The following PDZRN3 variants were observed in gnomAD, a reference collection of about 807,000 sequenced individuals.
PDZRN3 encodes PDZ domain containing ring finger 3.
PDZRN3 carries 38 observed loss-of-function variants against 85.7 expected under a neutral mutation model. The observed-to-expected ratio is 0.44, with a 90% CI of 0.34 to 0.58. The LOEUF is 0.58. PDZRN3 is among the 20% of genes least tolerant of loss of function. The pLI, the probability that PDZRN3 is intolerant of heterozygous loss-of-function variation, is 0.01. For synonymous variants in PDZRN3, 759 were observed against 638.0 expected (o/e 1.19, Z -2.86); for missense variants, 1,629 against 1,506.4 (o/e 1.08, Z -1.35).
intron 3 of PDZRN3, chr3:73,434,053 C>T (rs1191657922): frequency 3.0e-6 from 2 of 677,812 alleles, no homozygotes; most frequent in Non-Finnish European, 3.8e-6. Flanking sequence ...TTAATCAGCT[C>T]TCATTGACTA....
chr3:73,563,007 ATATATATTTTTTT>A (rs1232569900), intron 3 of PDZRN3, among the ~76,000 whole-genome samples: 464 of 45,806 alleles, frequency 0.01, 4 homozygotes, highest in African/African-American at 0.038. Flanking sequence ...ATATATATAT[ATATATATTTTTTT>A]TTTTTTTTTT....
At chr3:73,558,734 G>A (rs1283229132) in intron 3 of PDZRN3, among the ~76,000 whole-genome samples, 2 of 152,238 alleles carry the variant, frequency 1.3e-5, no homozygotes, top group Non-Finnish European at 2.9e-5. Flanking sequence ...AATGCAAAAT[G>A]GCAGGAGAGG....
At chr3:73,393,393 C>T (rs1193728201) in intron 5 of PDZRN3, among the ~76,000 whole-genome samples, 1 of 152,108 alleles carries the variant, frequency 6.6e-6, no homozygotes, top group African/African-American at 2.4e-5. Context: ...CTGGTCATGA[C>T]GAGGTGAGCA....
At chr3:73,613,211 G>C (rs1353571602) in intron 1 of PDZRN3, among the ~76,000 whole-genome samples, 1 of 152,186 alleles carries the variant, frequency 6.6e-6, no homozygotes, top group African/African-American at 2.4e-5. Context: ...TGAAGGTGGT[G>C]GGAGGAGCCA....
chr3:73,385,215 C>T (rs188497848), intron 9 of PDZRN3, among the ~76,000 whole-genome samples: 3 of 151,536 alleles, frequency 2.0e-5, no homozygotes, highest in Non-Finnish European at 4.4e-5. Context: ...TTAAATGAAT[C>T]AGTACACAGG....
At chr3:73,536,948 C>T (rs192071363) in intron 3 of PDZRN3, among the ~76,000 whole-genome samples, 151 of 152,214 alleles carry the variant, frequency 9.9e-4, no homozygotes, top group Middle Eastern at 6.8e-3. Flanking sequence ...GGAGAGGCCT[C>T]CTATTTTGTA....
chr3:73,441,699 G>T (rs935096903), intron 3 of PDZRN3, among the ~76,000 whole-genome samples: 1 of 152,160 alleles, frequency 6.6e-6, no homozygotes, highest in African/African-American at 2.4e-5. Context: ...CCCAAAGCAA[G>T]TAAGACCTTA....
chr3:73,432,565 G>A (rs1028533868), intron 3 of PDZRN3, among the ~76,000 whole-genome samples: 2 of 152,084 alleles, frequency 1.3e-5, no homozygotes, highest in African/African-American at 4.8e-5. Context: ...TTTAGGTTTT[G>A]TCCAGAGAGG....
At chr3:73,617,057 A>T (rs1370226027) in intron 1 of PDZRN3, among the ~76,000 whole-genome samples, 1 of 152,178 alleles carries the variant, frequency 6.6e-6, no homozygotes, top group Admixed American at 6.5e-5. Context: ...TCACCTATCC[A>T]AACACAGCAA....
intron 3 of PDZRN3, among the ~76,000 whole-genome samples, chr3:73,583,260 G>C (rs1702226855): frequency 6.6e-6 from 1 of 152,140 alleles, no homozygotes; most frequent in South Asian, 2.1e-4. Flanking sequence ...AAATATCAGA[G>C]CTGGGATTCA....
chr3:73,562,315 T>C (rs903129019), intron 3 of PDZRN3, among the ~76,000 whole-genome samples: 12 of 152,128 alleles, frequency 7.9e-5, no homozygotes, highest in Admixed American at 4.6e-4. Context: ...AAGTGTAATA[T>C]AGATAGTGTT....
chr3:73,585,498 T>C (rs865798005), intron 3 of PDZRN3, among the ~76,000 whole-genome samples: 2 of 152,188 alleles, frequency 1.3e-5, no homozygotes, highest in African/African-American at 2.4e-5. Context: ...TAGGAAGCCA[T>C]GAAGACCTTT....
chr3:73,402,267 T>C (rs1157121696), intron 4 of PDZRN3, among the ~76,000 whole-genome samples: 5 of 152,194 alleles, frequency 3.3e-5, no homozygotes, highest in Non-Finnish European at 2.9e-5. Flanking sequence ...CAGGTCAACA[T>C]TTAAGAGTCA....
intron 7 of PDZRN3, among the ~76,000 whole-genome samples, chr3:73,388,829 T>C (rs1437259088): frequency 1.4e-5 from 2 of 143,820 alleles, no homozygotes; most frequent in African/African-American, 5.2e-5. Flanking sequence ...TGTGACACAG[T>C]GGAGGCAGGG....
intron 3 of PDZRN3, chr3:73,407,978 G>A: frequency 1.7e-6 from 1 of 597,324 alleles, no homozygotes; most frequent in Non-Finnish European, 3.0e-6. Flanking sequence ...GGGTGACTGA[G>A]AAATGCCCTG....
chr3:73,615,079 G>A (rs1251503922), intron 1 of PDZRN3, among the ~76,000 whole-genome samples: 1 of 152,014 alleles, frequency 6.6e-6, no homozygotes, highest in Non-Finnish European at 1.5e-5. Context: ...AAGGGCATGG[G>A]GGAACAGGTA....
At chr3:73,508,564 G>T (rs114910615) in intron 3 of PDZRN3, among the ~76,000 whole-genome samples, 284 of 152,228 alleles carry the variant, frequency 1.9e-3, no homozygotes, top group African/African-American at 6.6e-3. Flanking sequence ...GACCACTAGG[G>T]GGCGATTTAG....
At chr3:73,505,107 T>C (rs1704047284) in intron 3 of PDZRN3, among the ~76,000 whole-genome samples, 3 of 152,110 alleles carry the variant, frequency 2.0e-5, no homozygotes, top group Admixed American at 2.0e-4. Context: ...CCATGGGAGG[T>C]GGCTTGGAAT....
chr3:73,443,498 T>TTTTGGA (rs57581231), intron 3 of PDZRN3, among the ~76,000 whole-genome samples: 2 of 129,100 alleles, frequency 1.5e-5, no homozygotes, highest in African/African-American at 7.9e-5. Context: ...TTTTTTTTTT[T>TTTTGGA]GGGGGGGGGA....
Sources: gnomAD v4.1 joint callset for allele counts (sites outside exome capture counted in the v4.1 genomes callset) on GRCh38, gnomAD v4.1.1 for gene constraint, MANE v1.5 for transcripts, NCBI Gene and HGNC (gene_info 2026-07-23, HGNC 2026-07-21) for gene names.